SUGCT: variants seen among roughly 807,000 people sequenced by gnomAD.
SUGCT encodes the protein succinyl-CoA:glutarate-CoA transferase.
SUGCT carries 41 observed loss-of-function variants against 55.0 expected under a neutral mutation model. The ratio of observed to expected loss-of-function variants is 0.74; its 90% confidence interval spans 0.58 to 0.97. The LOEUF is 0.97. Ranked by LOEUF, SUGCT falls within the 50% of genes least tolerant of loss-of-function variation. The pLI is 0.00. For missense variants in SUGCT, 568 were observed against 547.8 expected (o/e 1.04, Z -0.37); for synonymous variants, 187 against 200.4 (o/e 0.93, Z 0.56).
intron 8 of SUGCT, among the ~76,000 whole-genome samples, chr7:40,276,118 T>C (rs2151004378): frequency 6.6e-6 from 1 of 152,292 alleles, no homozygotes; most frequent in Admixed American, 6.5e-5. Flanking sequence ...ATCAATATGG[T>C]TGAAAATGAA....
intron 9 of SUGCT, among the ~76,000 whole-genome samples, chr7:40,414,298 C>T (rs1435352614): frequency 6.6e-6 from 1 of 152,166 alleles, no homozygotes; most frequent in South Asian, 2.1e-4. Flanking sequence ...GTGATACTCT[C>T]CTTTTTCCCA....
At chr7:40,820,342 A>T (rs1442975298) in intron 13 of SUGCT, among the ~76,000 whole-genome samples, 1 of 152,088 alleles carries the variant, frequency 6.6e-6, no homozygotes, top group East Asian at 1.9e-4. Flanking sequence ...CTGAATCTAT[A>T]AATTACCTTG....
intron 12 of SUGCT, among the ~76,000 whole-genome samples, chr7:40,640,492 T>TC (rs1216173899): frequency 2.6e-5 from 4 of 152,354 alleles, no homozygotes; most frequent in African/African-American, 9.6e-5. Context: ...ACTTGAAGAC[T>TC]CAGCCACAGC....
chr7:41,005,169 G>A, the SUGCT span, among the ~76,000 whole-genome samples: 11 of 151,960 alleles, frequency 7.2e-5, no homozygotes, highest in Non-Finnish European at 1.5e-4. Flanking sequence ...TTTTCATAAG[G>A]AATTATTTTT....
At chr7:40,847,411 C>CTTTTTTTTTT (rs981613426) in intron 13 of SUGCT, among the ~76,000 whole-genome samples, 2 of 75,394 alleles carry the variant, frequency 2.7e-5, no homozygotes, top group Non-Finnish European at 5.0e-5. Flanking sequence ...TTCTTTCTTT[C>CTTTTTTTTTT]TTTTTTTTTT....
At chr7:40,235,320 A>C (rs1788950963) in intron 6 of SUGCT, among the ~76,000 whole-genome samples, 1 of 152,028 alleles carries the variant, frequency 6.6e-6, no homozygotes, top group South Asian at 2.1e-4. Context: ...TGTTTTTGAA[A>C]AAAATTTTTG....
chr7:40,650,482 G>C (rs1800724469), intron 12 of SUGCT, among the ~76,000 whole-genome samples: 1 of 152,100 alleles, frequency 6.6e-6, no homozygotes. Context: ...CTAAAGGTTT[G>C]GTCCGCTCCC....
rs544260239 is a variant in SUGCT, at chr7:40,572,669, A to G, written c.1089+76283A>G. 3.3e-5 allele frequency among the ~76,000 whole-genome samples: 5 copies of G among 152,304 alleles called. No individual in the cohort carries two copies. The South Asian group carries it at 8.3e-4, about 25-fold the overall frequency. On this transcript the variant is annotated intron_variant, in intron 12 of 13. Coordinates refer to ENST00000335693, the MANE Select transcript of SUGCT (RefSeq NM_001193313.2). Reference sequence around the variant, plus strand: ...CCTCTGGAATAAATTTATGATTTTAATCTCATATTATCCTAATGTTTAAAG... The same window carrying G: ...CCTCTGGAATAAATTTATGATTTTAGTCTCATATTATCCTAATGTTTAAAG...
chr7:40,296,925 A>T (rs935226078), intron 8 of SUGCT, among the ~76,000 whole-genome samples: 7 of 152,172 alleles, frequency 4.6e-5, no homozygotes, highest in Non-Finnish European at 1.0e-4. Context: ...CTAAGTAGCT[A>T]TGACCCTCAA....
the SUGCT span, among the ~76,000 whole-genome samples, chr7:40,885,973 C>A: frequency 1.3e-4 from 20 of 152,120 alleles, no homozygotes; most frequent in African/African-American, 4.3e-4. Context: ...ACCTTTCCCC[C>A]GACTTTTAAG....
At chr7:40,321,325 C>G (rs1795731604) in intron 9 of SUGCT, among the ~76,000 whole-genome samples, 1 of 152,122 alleles carries the variant, frequency 6.6e-6, no homozygotes, top group Non-Finnish European at 1.5e-5. Context: ...AATCTGCCCA[C>G]CTCGGCCTCC....
At chr7:40,581,616 A>G (rs1797097086) in intron 12 of SUGCT, among the ~76,000 whole-genome samples, 1 of 152,208 alleles carries the variant, frequency 6.6e-6, no homozygotes, top group Non-Finnish European at 1.5e-5. Flanking sequence ...TGTCATGCAT[A>G]TTTAACACCT....
At chr7:40,805,144 A>G (rs182834585) in intron 13 of SUGCT, among the ~76,000 whole-genome samples, 82 of 152,270 alleles carry the variant, frequency 5.4e-4, no homozygotes, top group African/African-American at 1.7e-3. Context: ...TCCTGGATCA[A>G]TTTTCCCATG....
At chr7:40,503,999 C>T (rs1792446593) in intron 12 of SUGCT, among the ~76,000 whole-genome samples, 1 of 152,100 alleles carries the variant, frequency 6.6e-6, no homozygotes, top group Non-Finnish European at 1.5e-5. Context: ...TAAGATGCCA[C>T]TTTGTACAAA....
chr7:40,182,884 C>T (rs1329782993), intron 3 of SUGCT, among the ~76,000 whole-genome samples: 1 of 152,048 alleles, frequency 6.6e-6, no homozygotes, highest in Admixed American at 6.6e-5. Context: ...CCTCCCTCAC[C>T]GTGGAATCAA....
the SUGCT span, among the ~76,000 whole-genome samples, chr7:40,990,153 G>C: frequency 6.6e-6 from 1 of 152,164 alleles, no homozygotes; most frequent in Non-Finnish European, 1.5e-5. Context: ...AACAAGACTT[G>C]GAAGTTGAAA....
chr7:40,974,748 A>G, the SUGCT span, among the ~76,000 whole-genome samples: 2 of 152,188 alleles, frequency 1.3e-5, no homozygotes, highest in Non-Finnish European at 2.9e-5. Context: ...ATTGGTACCA[A>G]ATGAATTCTC....
At chr7:40,240,079 G>A (rs950700883) in intron 7 of SUGCT, among the ~76,000 whole-genome samples, 1 of 152,186 alleles carries the variant, frequency 6.6e-6, no homozygotes, top group Non-Finnish European at 1.5e-5. Context: ...GCGAAGAAGA[G>A]TACAGGGTGC....
Position 40,168,785 on chromosome 7 carries a change from T to A in SUGCT, c.101-12162T>A, listed in dbSNP as rs373625598. 6.0e-4 allele frequency among the ~76,000 whole-genome samples: 92 copies of A among 152,344 alleles called. 2 individuals carry two copies. In the South Asian group the frequency reaches 0.018, roughly 29 times the overall value. On this transcript the variant is annotated intron_variant, in intron 1 of 13. Transcript: ENST00000335693. The stretch of plus-strand genomic sequence containing the variant: ...GGAGGAAACTATTTTCTCTTGAGAT[T>A]CCCCATTCTATTTCTTCTGCCGAGT...
Sources: allele counts gnomAD v4.1 joint callset (sites outside exome capture counted in the v4.1 genomes callset), GRCh38; gene constraint gnomAD v4.1.1; transcripts MANE v1.5; gene names NCBI Gene and HGNC (gene_info 2026-07-23, HGNC 2026-07-21).